MCM9: variants seen among roughly 807,000 people sequenced by gnomAD.
The protein encoded by MCM9 is DNA helicase MCM9.
MCM9 carries 55 observed loss-of-function variants against 72.8 expected under a neutral mutation model. That is an observed-to-expected ratio of 0.76 (90% CI 0.61 to 0.95). The LOEUF (loss-of-function observed/expected upper bound fraction) is 0.95. MCM9 is among the 40% of genes least tolerant of loss of function. The pLI, the probability that MCM9 is intolerant of heterozygous loss-of-function variation, is 0.00. For missense variants in MCM9, 1,279 were observed against 1,377.0 expected (o/e 0.93, Z 1.13); for synonymous variants, 480 against 503.4 (o/e 0.95, Z 0.62).
At position 118,815,781 on chromosome 6, in the gene MCM9, T is replaced by C. The variant is rs1773376085; in HGVS notation, c.2475A>G (p.Leu825=). Reference sequence around the variant, plus strand: ...CAGCAGAGACTGCTGCTTCAGAATCTAGTGCTAGCCTTTTTTTCTTGTTAC... The same window carrying C: ...CAGCAGAGACTGCTGCTTCAGAATCCAGTGCTAGCCTTTTTTTCTTGTTAC... The part of the protein sequence containing the change: ...VESNKKKRLA[L]DSEAAVSADK... The change falls in exon 14 of 14, where the codon CTA becomes CTG. Residue 825 remains leucine, a synonymous_variant. Transcript: ENST00000619706. 3 of 1,540,392 alleles carry C rather than the reference T, an allele frequency of 1.9e-6. No individual in the cohort carries two copies. Among genetic ancestry groups the C allele is most frequent in the Admixed American group, 2.0e-5 (1 of 50,998 alleles).
intron 3 of MCM9, among the ~76,000 whole-genome samples, chr6:118,924,486 T>C (rs1479688263): frequency 6.6e-6 from 1 of 152,184 alleles, no homozygotes; most frequent in Non-Finnish European, 1.5e-5. Context: ...TAACAAAAAA[T>C]ATATTGCCAC....
At chr6:118,922,123 A>C in intron 4 of MCM9, 37 bp from the exon 5 acceptor site, 1 of 1,500,312 alleles carries the variant, frequency 6.7e-7, no homozygotes, top group South Asian at 1.2e-5. Flanking sequence ...GAGTATGCTT[A>C]AATACATGTT....
chr6:118,876,493 A>T lies in MCM9; in HGVS notation c.1151-19948T>A, dbSNP rs144136242. On this transcript the variant is annotated intron_variant, in intron 8 of 13. Transcript: ENST00000619706. ...TATGCATGGCAGGGAGGGAGAATAT[A>T]GGAACTATAGTTTCTGTTCAGCTTT... 2.3e-3 allele frequency among the ~76,000 whole-genome samples: 355 copies of T among 152,352 alleles called. 1 individual carries two copies. Among genetic ancestry groups the T allele is most frequent in the Admixed American group, 4.0e-3 (61 of 15,302 alleles).
intron 9 of MCM9, among the ~76,000 whole-genome samples, chr6:118,839,059 C>T (rs1337543120): frequency 6.6e-6 from 1 of 152,124 alleles, no homozygotes; most frequent in Non-Finnish European, 1.5e-5. Context: ...TTCAGGTACA[C>T]CAATCAATCG....
chr6:118,931,711 G>T lies in MCM9; in HGVS notation c.13C>A (p.Gln5Lys). ...AACACTTGACCAACCAGTGTAACTT[G>T]ATCGCTATTCATCTTGAATCTAGGT... MNSD[Q>K]VTLVGQVFES... The change falls in exon 3 of 14, where the codon CAA becomes AAA. Residue 5 changes from glutamine (Q) to lysine (K), a missense_variant. Gln to Lys is a moderately conservative substitution (Grantham distance 53). Coordinates refer to ENST00000619706, the MANE Select transcript of MCM9 (RefSeq NM_017696.3). 2 of 1,607,910 alleles carry T rather than the reference G, an allele frequency of 1.2e-6. No individual in the cohort carries two copies. Among genetic ancestry groups the T allele is most frequent in the South Asian group, 1.1e-5 (1 of 90,328 alleles).
chr6:118,931,362 T>C (rs1782411166), intron 3 of MCM9, 58 bp downstream of exon 3: 3 of 1,370,770 alleles, frequency 2.2e-6, no homozygotes, highest in Admixed American at 2.1e-5. Context: ...AAATCTAGTA[T>C]ATTTTCTCAA....
chr6:118,856,639 G>A, intron 8 of MCM9, 94 bp from the exon 9 acceptor site: 3 of 1,326,360 alleles, frequency 2.3e-6, no homozygotes, highest in Non-Finnish European at 3.0e-6. Flanking sequence ...AGCAGTTTAG[G>A]AGGCTGAGGT....
In MCM9 at chr6:118,858,873, A is replaced by T. The variant is rs554938583; in HGVS notation, c.1151-2328T>A. On this transcript the variant is annotated intron_variant, in intron 8 of 13. Transcript: ENST00000619706. ...ATTCTCCCCAAACTGTTCTGTAGTTAAATGCAATTACAAGCAAAATCCTAG... is the reference window on the plus strand; with the variant it reads ...ATTCTCCCCAAACTGTTCTGTAGTTTAATGCAATTACAAGCAAAATCCTAG... 7.9e-5 allele frequency among the ~76,000 whole-genome samples: 12 copies of T among 152,348 alleles called. No individual in the cohort carries two copies. In the South Asian group the frequency reaches 2.5e-3, roughly 32 times the overall value.
Position 118,838,923 on chromosome 6 carries a change from C to A in MCM9, c.1326-9673G>T, listed in dbSNP as rs571663563. On this transcript the variant is annotated intron_variant, in intron 9 of 13. Transcript: ENST00000619706. ...TTATGTGTTTCAGGGTTGTTCTTCT[C>A]GAGGAGTATCTTTGTGGTATTCTCT... Among the ~76,000 whole-genome samples, 24 of 152,226 alleles carry A rather than the reference C, an allele frequency of 1.6e-4. No individual in the cohort carries two copies. In the South Asian group the frequency reaches 5.0e-3, roughly 32 times the overall value.
chr6:118,875,395 G>A (rs1777871144), intron 8 of MCM9, among the ~76,000 whole-genome samples: 1 of 152,064 alleles, frequency 6.6e-6, no homozygotes. Flanking sequence ...TAGCATTTTG[G>A]GAAGCCAAAG....
Position 118,917,724 on chromosome 6 carries a change from C to G in MCM9, c.741G>C (p.Arg247=). 1 of 1,614,126 alleles carries G rather than the reference C, an allele frequency of 6.2e-7. No individual in the cohort carries two copies. Among genetic ancestry groups the G allele is most frequent in the Non-Finnish European group, 8.5e-7 (1 of 1,180,018 alleles). Residue 247 remains arginine, a synonymous_variant, in exon 6 of 14, where the codon CGG becomes CGC. Coordinates refer to ENST00000619706, the MANE Select transcript of MCM9 (RefSeq NM_017696.3). ...GCACATCTTGCTGAAAGGGCTTCCA[C>G]CGTTGCATTACAATCCCGTAAATAG... is the stretch of plus-strand genomic sequence containing the variant. ...DLTIYGIVMQ[R]WKPFQQDVRC... is the part of the protein sequence containing the mutation.
At position 118,931,645 on chromosome 6, in the gene MCM9, G is replaced by A. The variant is rs1363020031; in HGVS notation, c.79C>T (p.Leu27=). 1 of 1,613,702 alleles carries A rather than the reference G, an allele frequency of 6.2e-7. No individual in the cohort carries two copies. Among genetic ancestry groups the A allele is most frequent in the Non-Finnish European group, 8.5e-7 (1 of 1,179,942 alleles). The change falls in exon 3 of 14, where the codon CTA becomes TTA. Residue 27 remains leucine, a synonymous_variant. Coordinates refer to ENST00000619706, the MANE Select transcript of MCM9 (RefSeq NM_017696.3). Reference sequence around the variant, plus strand: ...TCTTCATCCCTTTCCTTCAAGATTAGAAGAATATCATTCTTATGGTATTCC... The same window carrying A: ...TCTTCATCCCTTTCCTTCAAGATTAAAAGAATATCATTCTTATGGTATTCC... ...VSEYHKNDIL[L]ILKERDEDAH...
rs992283598 is a variant in MCM9 at position 118,860,409 on chromosome 6, C to T, written c.1151-3864G>A. Reference sequence around the variant, plus strand: ...GAAAGAATCTCTGAACTTGAAAATACGTCAATTAAAACTTCCAAAACAAAA... The same window carrying T: ...GAAAGAATCTCTGAACTTGAAAATATGTCAATTAAAACTTCCAAAACAAAA... On this transcript the variant is annotated intron_variant, in intron 8 of 13. Transcript: ENST00000619706. 9.9e-5 allele frequency among the ~76,000 whole-genome samples: 15 copies of T among 152,050 alleles called. No homozygotes were observed. In the East Asian group the frequency reaches 2.5e-3, roughly 25 times the overall value.
At chr6:118,816,601 T>C (rs1351041040) in intron 13 of MCM9, among the ~76,000 whole-genome samples, 1 of 152,184 alleles carries the variant, frequency 6.6e-6, no homozygotes, top group African/African-American at 2.4e-5. Context: ...TTAAGATTGT[T>C]TGAAGATCAG....
At chr6:118,892,897 T>C (rs1436739280) in intron 8 of MCM9, among the ~76,000 whole-genome samples, 5 of 152,198 alleles carry the variant, frequency 3.3e-5, no homozygotes, top group African/African-American at 1.2e-4. Context: ...AAACGTTTCA[T>C]CAAAAGCCAC....
At chr6:118,884,841 G>T (rs1241348186) in intron 8 of MCM9, among the ~76,000 whole-genome samples, 1 of 152,076 alleles carries the variant, frequency 6.6e-6, no homozygotes, top group Non-Finnish European at 1.5e-5. Flanking sequence ...ATTTTAAAAG[G>T]ATAAAATCAT....
intron 8 of MCM9, among the ~76,000 whole-genome samples, chr6:118,865,722 C>T (rs1378240889): frequency 6.6e-6 from 1 of 152,140 alleles, no homozygotes; most frequent in Non-Finnish European, 1.5e-5. Flanking sequence ...CCCCATTCTA[C>T]GTGAAAAAAG....
chr6:118,897,480 T>A (rs1267227003), intron 8 of MCM9, among the ~76,000 whole-genome samples: 1 of 152,072 alleles, frequency 6.6e-6, no homozygotes, highest in African/African-American at 2.4e-5. Flanking sequence ...TACTGTCAAT[T>A]GAATACTTAT....
At chr6:118,858,910 A>T (rs1050591414) in intron 8 of MCM9, among the ~76,000 whole-genome samples, 2 of 152,224 alleles carry the variant, frequency 1.3e-5, no homozygotes, top group Admixed American at 6.5e-5. Flanking sequence ...ATGATTTTTT[A>T]AAAAATAAAT....
Sources: gnomAD v4.1 joint callset for allele counts (sites outside exome capture counted in the v4.1 genomes callset) on GRCh38, gnomAD v4.1.1 for gene constraint, MANE v1.5 for transcripts, NCBI Gene and HGNC (gene_info 2026-07-23, HGNC 2026-07-21) for gene names.